GABBR2: variants seen among roughly 807,000 people sequenced by gnomAD.
The protein encoded by GABBR2 is gamma-aminobutyric acid type B receptor subunit 2, also known as G-protein coupled receptor 51.
Under a neutral mutation model 105.6 loss-of-function variants are expected in GABBR2, and 23 were observed. The ratio of observed to expected loss-of-function variants is 0.22; its 90% confidence interval spans 0.16 to 0.31. The LOEUF (loss-of-function observed/expected upper bound fraction) is 0.31, where lower values mean the gene tolerates loss of function less well. GABBR2 is among the 10% of genes least tolerant of loss of function. The pLI, the probability that GABBR2 is intolerant of heterozygous loss-of-function variation, is 1.00. For synonymous variants in GABBR2, 478 were observed against 499.7 expected (o/e 0.96, Z 0.58); for missense variants, 734 against 1,245.5 (o/e 0.59, Z 6.18).
At chr9:98,549,995 T>A (rs182212151) in intron 2 of GABBR2, among the ~76,000 whole-genome samples, 1 of 152,268 alleles carries the variant, frequency 6.6e-6, no homozygotes, top group East Asian at 1.9e-4. Flanking sequence ...AATTAAGCAC[T>A]ATGAGTGGTT....
chr9:98,690,685 C>T (rs1830672065), intron 1 of GABBR2, among the ~76,000 whole-genome samples: 2 of 152,126 alleles, frequency 1.3e-5, no homozygotes, highest in East Asian at 1.9e-4. Flanking sequence ...TGACAGTGGC[C>T]CCCGGAGTGC....
intron 17 of GABBR2, 33 bp downstream of exon 17, chr9:98,299,191 C>T (rs769448917): frequency 1.9e-6 from 3 of 1,601,002 alleles, no homozygotes; most frequent in African/African-American, 2.7e-5. Context: ...AAACCAAGGT[C>T]CCTACCACAT....
intron 1 of GABBR2, among the ~76,000 whole-genome samples, chr9:98,617,303 C>G (rs2131818652): frequency 6.6e-6 from 1 of 152,166 alleles, no homozygotes; most frequent in Admixed American, 6.5e-5. Flanking sequence ...AGGTGAGGAT[C>G]TGGAGGGGTG....
chr9:98,637,757 G>C (rs1799877089), intron 1 of GABBR2, among the ~76,000 whole-genome samples: 1 of 152,214 alleles, frequency 6.6e-6, no homozygotes, highest in Non-Finnish European at 1.5e-5. Flanking sequence ...CAGAAGGAAA[G>C]CAGCTCTGCT....
intron 7 of GABBR2, among the ~76,000 whole-genome samples, chr9:98,409,658 C>G (rs1832550897): frequency 6.6e-6 from 1 of 152,150 alleles, no homozygotes; most frequent in South Asian, 2.1e-4. Flanking sequence ...TATGCCCCCT[C>G]CCTGGGGGCA....
chr9:98,389,098 T>A, intron 9 of GABBR2, 94 bp from the exon 10 acceptor site: 1 of 1,120,808 alleles, frequency 8.9e-7, no homozygotes, highest in Non-Finnish European at 1.3e-6. Context: ...AGCCAGGCCC[T>A]GCGCACAAAC....
At chr9:98,683,321 T>C (rs992479365) in intron 1 of GABBR2, among the ~76,000 whole-genome samples, 11 of 152,170 alleles carry the variant, frequency 7.2e-5, no homozygotes, top group Non-Finnish European at 1.6e-4. Context: ...CAGGCTGGTC[T>C]CAAACTCCTG....
chr9:98,491,084 T>A (rs543056964), intron 4 of GABBR2, among the ~76,000 whole-genome samples: 75 of 152,278 alleles, frequency 4.9e-4, no homozygotes, highest in Non-Finnish European at 9.8e-4. Flanking sequence ...AATTTCCGTC[T>A]CTATTTTTAA....
At chr9:98,440,213 T>TCCA (rs57860722) in intron 7 of GABBR2, among the ~76,000 whole-genome samples, 3 of 151,410 alleles carry the variant, frequency 2.0e-5, no homozygotes, top group African/African-American at 7.3e-5. Context: ...TTCTTGCTCT[T>TCCA]GTTCTGTCCC....
At chr9:98,604,298 C>T (rs145450320) in intron 1 of GABBR2, among the ~76,000 whole-genome samples, 4 of 152,312 alleles carry the variant, frequency 2.6e-5, no homozygotes, top group African/African-American at 9.6e-5. Context: ...TCCATTTCAT[C>T]GGCTTTATTG....
At chr9:98,620,728 T>C (rs907133341) in intron 1 of GABBR2, among the ~76,000 whole-genome samples, 4 of 152,188 alleles carry the variant, frequency 2.6e-5, no homozygotes, top group African/African-American at 9.6e-5. Flanking sequence ...GTTTTCATTA[T>C]CTGTAATTGA....
chr9:98,416,790 A>T, intron 7 of GABBR2, among the ~76,000 whole-genome samples: 1 of 152,172 alleles, frequency 6.6e-6, no homozygotes. Context: ...GTATCCGTTG[A>T]CTGCTTCAGT....
At chr9:98,357,205 C>T (rs1310275520) in intron 13 of GABBR2, among the ~76,000 whole-genome samples, 1 of 152,034 alleles carries the variant, frequency 6.6e-6, no homozygotes. Context: ...AAAAATGTAC[C>T]AGACAATGCA....
chr9:98,425,417 T>C (rs2131561626), intron 7 of GABBR2, among the ~76,000 whole-genome samples: 1 of 152,354 alleles, frequency 6.6e-6, no homozygotes, highest in East Asian at 1.9e-4. Flanking sequence ...CTGTGCTTGG[T>C]ACACATGTGT....
chr9:98,599,981 G>A (rs17779442), intron 1 of GABBR2, among the ~76,000 whole-genome samples: 38,823 of 152,052 alleles, frequency 0.26, 5,498 homozygotes, highest in South Asian at 0.35. Flanking sequence ...GTGGGAATGC[G>A]AAGAGTCAAT....
At chr9:98,593,670 C>T (rs1395158451) in intron 1 of GABBR2, among the ~76,000 whole-genome samples, 1 of 152,182 alleles carries the variant, frequency 6.6e-6, no homozygotes, top group Non-Finnish European at 1.5e-5. Context: ...GGAGCCATGT[C>T]CCCGAATCTG....
At chr9:98,409,000 T>C (rs548876461) in intron 7 of GABBR2, among the ~76,000 whole-genome samples, 1 of 152,198 alleles carries the variant, frequency 6.6e-6, no homozygotes, top group Admixed American at 6.5e-5. Flanking sequence ...GCTCAAGACG[T>C]TATAAGAAAG....
At chr9:98,378,781 C>T (rs750464462) in intron 11 of GABBR2, among the ~76,000 whole-genome samples, 8 of 152,166 alleles carry the variant, frequency 5.3e-5, no homozygotes, top group Non-Finnish European at 2.9e-5. Flanking sequence ...ACAGGGAGGG[C>T]CTCTGGGATG....
At chr9:98,583,048 G>A (rs1829023664) in intron 1 of GABBR2, among the ~76,000 whole-genome samples, 1 of 152,122 alleles carries the variant, frequency 6.6e-6, no homozygotes, top group Non-Finnish European at 1.5e-5. Context: ...TAGAAAAAAA[G>A]ACCATTTCCC....
Sources: allele counts gnomAD v4.1 joint callset (sites outside exome capture counted in the v4.1 genomes callset), GRCh38; gene constraint gnomAD v4.1.1; transcripts MANE v1.5; gene names NCBI Gene and HGNC (gene_info 2026-07-23, HGNC 2026-07-21).